Variants in NAA16 observed in about 807,000 individuals in gnomAD.
The protein encoded by NAA16 is N-alpha-acetyltransferase 16, NatA auxiliary subunit.
NAA16 carries 97 observed loss-of-function variants against 110.3 expected under a neutral mutation model. The ratio of observed to expected loss-of-function variants is 0.88; its 90% CI spans 0.75 to 1.04. The LOEUF (loss-of-function observed/expected upper bound fraction) is 1.04, where lower values mean the gene tolerates loss of function less well. Among genes scored for constraint, NAA16 ranks in the 50% least tolerant of loss-of-function variants. The pLI, the probability that NAA16 is intolerant of heterozygous loss-of-function variation, is 0.00. For synonymous variants in NAA16, 372 were observed against 330.6 expected (o/e 1.13, Z -1.36); for missense variants, 1,017 against 1,005.1 (o/e 1.01, Z -0.16).
chr13:41,347,214 CAAAAAA>C (rs76747459), intron 9 of NAA16, among the ~76,000 whole-genome samples: 17 of 55,278 alleles, frequency 3.1e-4, no homozygotes, highest in African/African-American at 1.3e-3. Flanking sequence ...GACTCCGTCT[CAAAAAA>C]AAAAAAACAA....
intron 9 of NAA16, among the ~76,000 whole-genome samples, chr13:41,348,419 T>G (rs955630494): frequency 6.6e-6 from 1 of 152,172 alleles, no homozygotes; most frequent in African/African-American, 2.4e-5. Context: ...TGCACCCACC[T>G]TTCAAAGTGC....
In NAA16 at chr13:41,369,240, C is replaced by T. The variant is rs2043269031; in HGVS notation, c.1904C>T (p.Ala635Val). The change falls in exon 15 of 20, where the codon GCC becomes GTC. Residue 635 changes from alanine to valine, a missense_variant. Coordinates refer to ENST00000379406, the MANE Select transcript of NAA16 (RefSeq NM_024561.5). ...AAAAGAGATGAAGAAGAAGAAGAAGCCAGTGGCCTTAAGGAAGAACTTATA... is the reference window on the plus strand; with the variant it reads ...AAAAGAGATGAAGAAGAAGAAGAAGTCAGTGGCCTTAAGGAAGAACTTATA... ...KKKRDEEEEE[A>V]SGLKEELIPE... The T allele has an allele frequency of 6.3e-7, 1 of 1,587,920 alleles. No homozygotes were observed.
intron 13 of NAA16, among the ~76,000 whole-genome samples, chr13:41,364,406 A>G (rs982126615): frequency 2.6e-5 from 4 of 151,562 alleles, no homozygotes; most frequent in African/African-American, 7.3e-5. Context: ...TCCCCCCCCC[A>G]TAAGATTTTA....
intron 15 of NAA16, 42 bp downstream of exon 15, chr13:41,369,325 T>G: frequency 6.8e-7 from 1 of 1,472,522 alleles, no homozygotes; most frequent in East Asian, 2.4e-5. Flanking sequence ...GTAAAATTTA[T>G]GCTATTTGGT....
chr13:41,358,840 T>C lies in NAA16; in HGVS notation c.1288T>C (p.Trp430Arg), dbSNP rs1214693086. 1 of 1,607,334 alleles carries C rather than the reference T, an allele frequency of 6.2e-7. No individual in the cohort carries two copies. Among genetic ancestry groups the C allele is most frequent in the African/African-American group, 1.3e-5 (1 of 74,818 alleles). ...HIGNLKEAAK[W>R]MDEAQSLDTA... ...AGGTAATCTCAAAGAAGCTGCAAAGTGGATGGATGAAGCACAGTCTTTGGA... is the reference window on the plus strand; with the variant it reads ...AGGTAATCTCAAAGAAGCTGCAAAGCGGATGGATGAAGCACAGTCTTTGGA... The change falls in exon 12 of 20, where the codon TGG becomes CGG. Residue 430 changes from tryptophan (W) to arginine (R), a missense_variant. Physicochemically the swap from Trp to Arg is moderately radical, Grantham distance 101 (BLOSUM62 -3). Coordinates refer to ENST00000379406, the MANE Select transcript of NAA16 (RefSeq NM_024561.5).
chr13:41,368,613 G>T (rs903953896), intron 14 of NAA16, among the ~76,000 whole-genome samples: 1 of 152,124 alleles, frequency 6.6e-6, no homozygotes, highest in Non-Finnish European at 1.5e-5. Flanking sequence ...AAAGTATACA[G>T]CTGGCCCTCC....
At position 41,311,479 on chromosome 13, in the gene NAA16, C is replaced by T; in HGVS notation, c.-50C>T. Reference sequence around the variant, plus strand: ...GTGCCCACCCCCGCGAAGCGGAGCGCCCGGGCACCTAGCCTCCCTGCCGGC... The same window carrying T: ...GTGCCCACCCCCGCGAAGCGGAGCGTCCGGGCACCTAGCCTCCCTGCCGGC... On this transcript the variant is annotated 5_prime_UTR_variant, in exon 1 of 20. Coordinates refer to ENST00000379406, the MANE Select transcript of NAA16 (RefSeq NM_024561.5). 1.9e-6 allele frequency: 3 copies of T among 1,551,154 alleles called. No individual in the cohort carries two copies. The highest frequency in any genetic ancestry group is 2.6e-6 in the Non-Finnish European group (3 of 1,144,582).
At chr13:41,323,641 C>A (rs1015551030) in intron 5 of NAA16, among the ~76,000 whole-genome samples, 1 of 151,748 alleles carries the variant, frequency 6.6e-6, no homozygotes, top group Non-Finnish European at 1.5e-5. Context: ...CGTGAGCCAC[C>A]GCGCCCGGCC....
At chr13:41,362,826 C>G (rs1035029146) in intron 13 of NAA16, 7 of 1,289,302 alleles carry the variant, frequency 5.4e-6, no homozygotes, top group Non-Finnish European at 7.1e-6. Flanking sequence ...CAATCGGCAC[C>G]ACTGTTCCCA....
intron 9 of NAA16, among the ~76,000 whole-genome samples, chr13:41,346,946 C>T (rs1441231611): frequency 6.6e-6 from 1 of 151,952 alleles, no homozygotes; most frequent in Non-Finnish European, 1.5e-5. Context: ...GAGCCGGGCG[C>T]GGTGGCTCAC....
At chr13:41,356,764 C>T (rs560266558) in intron 10 of NAA16, among the ~76,000 whole-genome samples, 1 of 152,298 alleles carries the variant, frequency 6.6e-6, no homozygotes, top group East Asian at 1.9e-4. Context: ...GGTCATTTGT[C>T]TTACATATCC....
At chr13:41,320,880 G>T in intron 4 of NAA16, 56 bp downstream of exon 4, 2 of 1,478,982 alleles carry the variant, frequency 1.4e-6, no homozygotes, top group Non-Finnish European at 9.1e-7. Context: ...ATTTAAGAGC[G>T]TGTCATTTCA....
At chr13:41,338,393 C>G (rs1484095399) in intron 9 of NAA16, among the ~76,000 whole-genome samples, 1 of 151,298 alleles carries the variant, frequency 6.6e-6, no homozygotes, top group Non-Finnish European at 1.5e-5. Context: ...AAATGCTAAA[C>G]TTTTTTTTTG....
At chr13:41,341,710 CCTAT>C (rs2042551751) in intron 9 of NAA16, among the ~76,000 whole-genome samples, 1 of 152,050 alleles carries the variant, frequency 6.6e-6, no homozygotes, top group South Asian at 2.1e-4. Flanking sequence ...GACTTGAGAC[CCTAT>C]CTAAGAAAAA....
chr13:41,324,761 A>G (rs1205943272), intron 5 of NAA16, among the ~76,000 whole-genome samples: 1 of 151,346 alleles, frequency 6.6e-6, no homozygotes, highest in Admixed American at 6.6e-5. Context: ...GCTATGCACT[A>G]CAGTCTTGAA....
intron 9 of NAA16, among the ~76,000 whole-genome samples, chr13:41,350,038 C>T (rs1193419643): frequency 6.6e-6 from 1 of 150,754 alleles, no homozygotes; most frequent in African/African-American, 2.4e-5. Flanking sequence ...TATCCCAGCA[C>T]TTTGGGAGTC....
intron 12 of NAA16, among the ~76,000 whole-genome samples, chr13:41,360,612 G>GT (rs1346562935): frequency 6.6e-6 from 1 of 152,162 alleles, no homozygotes; most frequent in East Asian, 1.9e-4. Context: ...TTGCCATGCT[G>GT]TATGGCAAGC....
chr13:41,356,058 G>A (rs972965260), intron 10 of NAA16, among the ~76,000 whole-genome samples: 1 of 152,150 alleles, frequency 6.6e-6, no homozygotes, highest in Non-Finnish European at 1.5e-5. Flanking sequence ...ACTGTGTTGC[G>A]CAAGCTGAAC....
chr13:41,351,896 C>T (rs1029585042), intron 9 of NAA16, among the ~76,000 whole-genome samples: 10 of 152,114 alleles, frequency 6.6e-5, no homozygotes, highest in Admixed American at 4.6e-4. Context: ...AGAAGAATAG[C>T]TATTACATAT....
Sources: allele counts gnomAD v4.1 joint callset (sites outside exome capture counted in the v4.1 genomes callset), GRCh38; gene constraint gnomAD v4.1.1; transcripts MANE v1.5; gene names NCBI Gene and HGNC (gene_info 2026-07-23, HGNC 2026-07-21).